The following ABCA13 variants were observed in gnomAD, a reference collection of about 807,000 sequenced individuals.
ABCA13 encodes the protein ATP-binding cassette sub-family A member 13.
A neutral mutation model predicts 478.7 loss-of-function variants in ABCA13; 476 were observed. The ratio of observed to expected loss-of-function variants is 0.99; its 90% CI spans 0.92 to 1.07. The LOEUF is 1.07. ABCA13 is among the 50% of genes least tolerant of loss of function. The pLI, the probability that ABCA13 is intolerant of heterozygous loss-of-function variation, is 0.00. For missense variants in ABCA13, 6,060 were observed against 5,910.6 expected, an observed-to-expected ratio of 1.03 and a Z score of -0.83; for synonymous variants, 2,252 against 2,158.9, an observed-to-expected ratio of 1.04 and a Z score of -1.20.
At chr7:48,204,819 T>G (rs552654738) in intron 3 of ABCA13, among the ~76,000 whole-genome samples, 28 of 152,288 alleles carry the variant, frequency 1.8e-4, no homozygotes, top group African/African-American at 6.5e-4. Flanking sequence ...GAAAGACAAC[T>G]CCGGATGGGT....
intron 1 of ABCA13, among the ~76,000 whole-genome samples, chr7:48,177,787 T>C (rs1316494580): frequency 6.6e-6 from 1 of 152,208 alleles, no homozygotes; most frequent in Non-Finnish European, 1.5e-5. Context: ...TCTGTTTGGC[T>C]AGATGAGAAG....
chr7:48,331,329 A>G (rs1487557172), intron 27 of ABCA13, among the ~76,000 whole-genome samples: 1 of 152,224 alleles, frequency 6.6e-6, no homozygotes, highest in East Asian at 1.9e-4. Context: ...TAATCACAGG[A>G]TATCTGAAAA....
chr7:48,487,359 G>A (rs945691364), intron 47 of ABCA13, among the ~76,000 whole-genome samples: 2 of 149,026 alleles, frequency 1.3e-5, no homozygotes, highest in Non-Finnish European at 3.0e-5. Flanking sequence ...AACACAAACA[G>A]AAGTCTCAGA....
rs577955987 is a variant in ABCA13 at position 48,271,805 on chromosome 7, G to C, written c.2139G>C (p.Lys713Asn). 1.3e-6 allele frequency: 2 copies of C among 1,511,314 alleles called. No individual in the cohort carries two copies. The highest frequency in any genetic ancestry group is 2.7e-5 in the South Asian group (2 of 73,580). 93.6% of individuals were successfully genotyped at this position (1,511,314 alleles called of 1,614,324 possible). A position where few individuals can be genotyped will look rare whatever the true frequency, so the allele number is the denominator to read the frequency against. The stretch of plus-strand genomic sequence containing the variant: ...ATTACAGGGCTTTAAATTTCACAAA[G>C]CACCTTCTAATGATGGAAAAGAAGT... Reference protein sequence around the residue: ...ASISRALNFTKHLLMMEKKLH... With the variant: ...ASISRALNFTNHLLMMEKKLH... Residue 713 changes from lysine (K) to asparagine (N), a missense_variant, in exon 17 of 62, where the codon AAG becomes AAC. Lys to Asn is a moderately conservative substitution (Grantham distance 94, BLOSUM62 0). Around this residue, in one of 3 missense-constraint regions of ABCA13, gnomAD observed 4,423 missense variants for 4,309.1 expected, o/e 1.03. Transcript: ENST00000435803.
chr7:48,528,571 G>A (rs17132443), intron 55 of ABCA13, among the ~76,000 whole-genome samples: 21,056 of 152,070 alleles, frequency 0.14, 1,829 homozygotes, highest in African/African-American at 0.23. Context: ...TTATCACAGA[G>A]CAGCCAAAGG....
intron 15 of ABCA13, among the ~76,000 whole-genome samples, chr7:48,256,563 C>T (rs1584470277): frequency 1.3e-5 from 2 of 152,158 alleles, no homozygotes; most frequent in East Asian, 3.9e-4. Context: ...AATCCTATCC[C>T]TATTGCTAGT....
chr7:48,450,631 A>G (rs1273274312), intron 42 of ABCA13, among the ~76,000 whole-genome samples: 1 of 152,140 alleles, frequency 6.6e-6, no homozygotes, highest in Non-Finnish European at 1.5e-5. Flanking sequence ...ACTTTGCAAC[A>G]TTTTTCATCT....
chr7:48,279,473 T>C lies in ABCA13; in HGVS notation c.8279T>C (p.Val2760Ala). 6.2e-7 allele frequency: 1 copy of C among 1,611,674 alleles called. No individual in the cohort carries two copies. Among genetic ancestry groups the C allele is most frequent in the Non-Finnish European group, 8.5e-7 (1 of 1,178,548 alleles). Residue 2760 changes from valine (V) to alanine (A), a missense_variant, in exon 18 of 62, where the codon GTG becomes GCG. This residue lies in a region of ABCA13 where 4,423 missense variants were observed against 4,309.1 expected (regional missense o/e 1.03). Coordinates refer to ENST00000435803, the MANE Select transcript of ABCA13 (RefSeq NM_152701.5). Reference sequence around the variant, plus strand: ...AAAGATAATTGGAATGTTTCTAATGTGTTGATGACATTTACTCAGCATCCA... The same window carrying C: ...AAAGATAATTGGAATGTTTCTAATGCGTTGATGACATTTACTCAGCATCCA... ...LKKDNWNVSN[V>A]LMTFTQHPNN...
chr7:48,396,342 C>T lies in ABCA13; in HGVS notation c.11873+4203C>T, dbSNP rs1327679462. Reference sequence around the variant, plus strand: ...GCTACCTACATTGTATAAAGGAGGACTTTCATTTGTTTAACATCTTTTTTT... The same window carrying T: ...GCTACCTACATTGTATAAAGGAGGATTTTCATTTGTTTAACATCTTTTTTT... On this transcript the variant is annotated intron_variant, in intron 38 of 61. Transcript: ENST00000435803. 2.0e-5 allele frequency among the ~76,000 whole-genome samples: 3 copies of T among 152,196 alleles called. No individual in the cohort carries two copies. In the East Asian group the frequency reaches 5.8e-4, roughly 29 times the overall value.
intron 20 of ABCA13, 105 bp downstream of exon 20, chr7:48,288,183 A>G: frequency 9.8e-7 from 1 of 1,024,114 alleles, no homozygotes; most frequent in Admixed American, 1.8e-5. Context: ...TAACTACAGC[A>G]ATGGTGTCAT....
chr7:48,245,621 C>T lies in ABCA13; in HGVS notation c.1491+9C>T. ...TTTGGGAGCTGAAACAGGTAAAGCACAACAAATAATTATAAATAAGCATTT... is the reference window on the plus strand; with the variant it reads ...TTTGGGAGCTGAAACAGGTAAAGCATAACAAATAATTATAAATAAGCATTT... On this transcript the variant is annotated intron_variant, in intron 12 of 61. Transcript: ENST00000435803. 1.3e-6 allele frequency: 2 copies of T among 1,596,272 alleles called. No homozygotes were observed. The highest frequency in any genetic ancestry group is 1.7e-4 in the Middle Eastern group (1 of 5,884).
chr7:48,373,089 A>T (rs575203894), intron 33 of ABCA13, among the ~76,000 whole-genome samples: 1 of 152,324 alleles, frequency 6.6e-6, no homozygotes, highest in East Asian at 1.9e-4. Flanking sequence ...ATCACTATTA[A>T]AATGATCTGT....
At chr7:48,318,510 G>GTTT (rs71991953) in intron 27 of ABCA13, among the ~76,000 whole-genome samples, 6 of 133,886 alleles carry the variant, frequency 4.5e-5, no homozygotes, top group South Asian at 2.4e-4. Flanking sequence ...TAACTTTTTA[G>GTTT]TTTTTTTTTT....
intron 54 of ABCA13, among the ~76,000 whole-genome samples, 176 bp from the exon 55 acceptor site, chr7:48,528,060 T>C (rs1832995652): frequency 6.6e-6 from 1 of 152,216 alleles, no homozygotes; most frequent in Non-Finnish European, 1.5e-5. Context: ...ATCTATACAG[T>C]GTTTTATACA....
rs1825467611 is a variant in ABCA13, at chr7:48,454,845, T to C, written c.12566-192T>C. 2.0e-5 allele frequency among the ~76,000 whole-genome samples: 3 copies of C among 152,166 alleles called. No homozygotes were observed. In the South Asian group the frequency reaches 6.2e-4, roughly 32 times the overall value. On this transcript the variant is annotated intron_variant, in intron 42 of 61. Transcript: ENST00000435803. Reference sequence around the variant, plus strand: ...CGAGGCTTCCTCTTGCATTGCAGCCTTCCGGCCCAAGGCCCAGCTTCCGCA... The same window carrying C: ...CGAGGCTTCCTCTTGCATTGCAGCCCTCCGGCCCAAGGCCCAGCTTCCGCA...
At chr7:48,248,141 G>A in intron 13 of ABCA13, 98 bp from the exon 14 acceptor site, 2 of 949,116 alleles carry the variant, frequency 2.1e-6, no homozygotes, top group Non-Finnish European at 3.1e-6. Flanking sequence ...AGTTTGAGTG[G>A]ACCCCTTGTT....
In ABCA13 at chr7:48,483,179, T is replaced by A. The variant is rs945441650; in HGVS notation, c.13182+16T>A. On this transcript the variant is annotated intron_variant, in intron 47 of 61. Transcript: ENST00000435803. ...TCTGGCAAAGGTAATCATATTTTTTTATTTTTTTCCTGTTTTAGAAAGTAT... is the reference window on the plus strand; with the variant it reads ...TCTGGCAAAGGTAATCATATTTTTTAATTTTTTTCCTGTTTTAGAAAGTAT... 7.5e-6 allele frequency: 12 copies of A among 1,598,258 alleles called. No homozygotes were observed. Among genetic ancestry groups the A allele is most frequent in the East Asian group, 4.5e-5 (2 of 44,378 alleles).
intron 3 of ABCA13, among the ~76,000 whole-genome samples, chr7:48,205,668 A>T (rs911117839): frequency 2.6e-5 from 4 of 152,184 alleles, no homozygotes; most frequent in Non-Finnish European, 5.9e-5. Context: ...TGAGATCCTG[A>T]TGCATTATTT....
chr7:48,225,881 G>A (rs1434325633), intron 5 of ABCA13, among the ~76,000 whole-genome samples: 1 of 152,092 alleles, frequency 6.6e-6, no homozygotes, highest in Non-Finnish European at 1.5e-5. Flanking sequence ...AATTTGGCTG[G>A]GGATAGATTT....
Sources: allele counts gnomAD v4.1 joint callset (sites outside exome capture counted in the v4.1 genomes callset), GRCh38; gene constraint gnomAD v4.1.1; regional missense constraint gnomAD v4.1.1; transcripts MANE v1.5; gene names NCBI Gene and HGNC (gene_info 2026-07-23, HGNC 2026-07-21).